MTHFD1: variants seen among roughly 807,000 people sequenced by gnomAD.
MTHFD1 encodes methylenetetrahydrofolate dehydrogenase, cyclohydrolase and formyltetrahydrofolate synthetase 1.
Under a neutral mutation model 110.3 loss-of-function variants are expected in MTHFD1, and 44 were observed. The observed-to-expected ratio is 0.40, with a 90% CI of 0.31 to 0.51. MTHFD1 has a LOEUF of 0.51. Among genes scored for constraint, MTHFD1 ranks in the 20% least tolerant of loss-of-function variants. MTHFD1 has a pLI of 0.60. For missense variants in MTHFD1, 909 were observed against 1,173.1 expected, an observed-to-expected ratio of 0.77 and a Z score of 3.29; for synonymous variants, 402 against 428.8, an observed-to-expected ratio of 0.94 and a Z score of 0.77.
At chr14:64,405,375 G>A (rs1203764755) in intron 2 of MTHFD1, among the ~76,000 whole-genome samples, 6 of 152,140 alleles carry the variant, frequency 3.9e-5, no homozygotes, top group East Asian at 3.9e-4. Context: ...CGTCTCCTAC[G>A]TCCTTGCTGA....
chr14:64,411,900 C>T (rs1290077309), intron 3 of MTHFD1, among the ~76,000 whole-genome samples: 1 of 149,624 alleles, frequency 6.7e-6, no homozygotes, highest in African/African-American at 2.5e-5. Flanking sequence ...AAGCTCCAAC[C>T]AGAAAAAAAA....
intron 26 of MTHFD1, among the ~76,000 whole-genome samples, chr14:64,456,832 G>C (rs937180759): frequency 6.6e-6 from 1 of 152,162 alleles, no homozygotes; most frequent in East Asian, 1.9e-4. Context: ...ATGATGTTTT[G>C]TGTTACAGAA....
chr14:64,454,513 G>A (rs534173068), intron 25 of MTHFD1, among the ~76,000 whole-genome samples: 1 of 149,808 alleles, frequency 6.7e-6, no homozygotes, highest in African/African-American at 2.5e-5. Context: ...GTGGACTACA[G>A]TTGTGAGTAC....
At chr14:64,453,912 G>A (rs368511910) in intron 25 of MTHFD1, 51 bp downstream of exon 25, 3 of 1,182,266 alleles carry the variant, frequency 2.5e-6, no homozygotes, top group African/African-American at 1.5e-5. Flanking sequence ...GCAGGACTTG[G>A]AGTCACAATC....
At chr14:64,422,790 T>G (rs577147280) in intron 8 of MTHFD1, 1 of 152,082 alleles carries the variant, frequency 6.6e-6, no homozygotes, top group African/African-American at 2.4e-5. Flanking sequence ...AACCAAAAGG[T>G]TTGCTCATTA....
In MTHFD1 at chr14:64,424,947, A is replaced by G; in HGVS notation, c.855+16A>G. On this transcript the variant is annotated intron_variant, in intron 9 of 27. Coordinates refer to ENST00000652337, the MANE Select transcript of MTHFD1 (RefSeq NM_005956.4). ...GCTCATGCAGGTAATTGTGAATAAA[A>G]GTTTCTATAAGAGTTCTGAAAAGCT... 6.2e-7 allele frequency: 1 copy of G among 1,614,134 alleles called. No homozygotes were observed. The highest frequency in any genetic ancestry group is 2.2e-5 in the East Asian group (1 of 44,886).
intron 9 of MTHFD1, 135 bp downstream of exon 9, chr14:64,425,066 G>T: frequency 9.0e-7 from 1 of 1,116,372 alleles, no homozygotes; most frequent in African/African-American, 1.6e-5. Flanking sequence ...GGGAAGGGAA[G>T]AATAGAGAAA....
At chr14:64,390,391 C>T (rs1252080589) in intron 1 of MTHFD1, 1 of 147,544 alleles carries the variant, frequency 6.8e-6, no homozygotes, top group African/African-American at 2.5e-5. Context: ...TGTGTCCAAT[C>T]TTGGCTCACT....
At position 64,440,409 on chromosome 14, in the gene MTHFD1, C is replaced by T. The variant is rs1263556411; in HGVS notation, c.1815+143C>T. 5 of 1,028,782 alleles carry T rather than the reference C, an allele frequency of 4.9e-6. 1 individual carries two copies. The South Asian group carries it at 6.8e-5, about 14-fold the overall frequency. 63.7% of individuals were successfully genotyped at this position (1,028,782 alleles called of 1,614,324 possible). Reference sequence around the variant, plus strand: ...CAATTTAATCCTATTTTGCTAATTACAAGATAATTATGAAATGTTTAAAAA... The same window carrying T: ...CAATTTAATCCTATTTTGCTAATTATAAGATAATTATGAAATGTTTAAAAA... On this transcript the variant is annotated intron_variant, in intron 18 of 27. Transcript: ENST00000652337.
chr14:64,408,080 C>A (rs545070214), intron 2 of MTHFD1, among the ~76,000 whole-genome samples: 1 of 152,108 alleles, frequency 6.6e-6, no homozygotes, highest in South Asian at 2.1e-4. Context: ...AAATGCTGCC[C>A]AGTTTATAAA....
At chr14:64,431,361 C>A (rs2078158561) in intron 13 of MTHFD1, among the ~76,000 whole-genome samples, 171 bp from the exon 14 acceptor site, 1 of 152,140 alleles carries the variant, frequency 6.6e-6, no homozygotes, top group Non-Finnish European at 1.5e-5. Flanking sequence ...CTACCACACC[C>A]AGCCAGTCAT....
In MTHFD1 at chr14:64,419,865, A is replaced by G; in HGVS notation, c.667A>G (p.Lys223Glu). ...TGCAACTGGTCAGCCTGAAATGGTT[A>G]AAGGGGAGTGGATCAAACCTGGGGC... Reference protein sequence around the residue: ...VVATGQPEMVKGEWIKPGAIV... With the variant: ...VVATGQPEMVEGEWIKPGAIV... Residue 223 changes from lysine to glutamate, a missense_variant, in exon 8 of 28, where the codon AAA becomes GAA. This residue lies in a region of MTHFD1 where 424 missense variants were observed against 510.4 expected (regional missense o/e 0.83). Transcript: ENST00000652337. The G allele has an allele frequency of 6.2e-7, 1 of 1,614,128 alleles. No individual in the cohort carries two copies. The highest frequency in any genetic ancestry group is 8.5e-7 in the Non-Finnish European group (1 of 1,179,996).
intron 2 of MTHFD1, among the ~76,000 whole-genome samples, chr14:64,402,024 C>G (rs1039189027): frequency 6.6e-6 from 1 of 152,108 alleles, no homozygotes; most frequent in Non-Finnish European, 1.5e-5. Context: ...TTTTAACAGT[C>G]CTTCCAGGTA....
intron 24 of MTHFD1, among the ~76,000 whole-genome samples, chr14:64,451,084 G>A (rs150460844): frequency 0.018 from 2,666 of 152,190 alleles, 40 homozygotes; most frequent in Non-Finnish European, 0.022. Context: ...CAGGAGAATC[G>A]CTTGAACCCG....
rs1325662964 is a variant in MTHFD1, at chr14:64,415,211, A to G, written c.241-147A>G. ...TCTATGTTAAAGTACAGGTGCTCTC[A>G]GGATTCAAGGGGAAGGTACATTCTG... On this transcript the variant is annotated intron_variant, in intron 4 of 27. Coordinates refer to ENST00000652337, the MANE Select transcript of MTHFD1 (RefSeq NM_005956.4). 3 of 686,074 alleles carry G rather than the reference A, an allele frequency of 4.4e-6. No homozygotes were observed. The African/African-American group carries it at 5.3e-5, about 12-fold the overall frequency. 42.5% of individuals were successfully genotyped at this position (686,074 alleles called of 1,614,324 possible).
chr14:64,388,941 C>T, intron 1 of MTHFD1: 1 of 181,628 alleles, frequency 5.5e-6, no homozygotes, highest in East Asian at 1.4e-4. Context: ...TCTTATCATA[C>T]GCTAAGTGAA....
At position 64,424,853 on chromosome 14, in the gene MTHFD1, C is replaced by T. The variant is rs138933024; in HGVS notation, c.777C>T (p.Asp259=). ...GRKVVGDVAY[D]EAKERASFIT... is the part of the protein sequence containing the mutation. ...AAGTTGTGGGTGATGTGGCATACGA[C>T]GAGGCCAAAGAGAGGGCGAGCTTCA... The change falls in exon 9 of 28, where the codon GAC becomes GAT. Residue 259 remains aspartate (D), a synonymous_variant. Transcript: ENST00000652337. 2.7e-4 allele frequency: 441 copies of T among 1,613,974 alleles called. 2 individuals carry two copies. The highest frequency in any genetic ancestry group is 1.8e-3 in the South Asian group (166 of 91,068).
At chr14:64,438,355 G>GA (rs1177889518) in intron 16 of MTHFD1, among the ~76,000 whole-genome samples, 1 of 152,120 alleles carries the variant, frequency 6.6e-6, no homozygotes, top group African/African-American at 2.4e-5. Context: ...AGTTTGTAAT[G>GA]AATAACAAGA....
intron 16 of MTHFD1, among the ~76,000 whole-genome samples, chr14:64,436,615 T>C (rs1403721914): frequency 1.3e-5 from 2 of 152,222 alleles, no homozygotes; most frequent in African/African-American, 4.8e-5. Flanking sequence ...CATCCACTCA[T>C]GCAGAATAGA....
Sources: gnomAD v4.1 joint callset for allele counts (sites outside exome capture counted in the v4.1 genomes callset) on GRCh38, gnomAD v4.1.1 for gene constraint, gnomAD v4.1.1 regional missense constraint, MANE v1.5 for transcripts, NCBI Gene and HGNC (gene_info 2026-07-23, HGNC 2026-07-21) for gene names.